MARK1: variants seen among roughly 807,000 people sequenced by gnomAD.
MARK1 encodes serine/threonine-protein kinase MARK1.
A neutral mutation model predicts 96.3 loss-of-function variants in MARK1; 40 were observed. That is an observed-to-expected ratio of 0.42 (90% CI 0.32 to 0.54). MARK1 has a LOEUF of 0.54. MARK1 is among the 20% of genes least tolerant of loss of function. The pLI is 0.16. For missense variants in MARK1, 719 were observed against 984.6 expected (o/e 0.73, Z 3.61); for synonymous variants, 317 against 341.2 (o/e 0.93, Z 0.78).
At chr1:220,554,322 G>A (rs1558254611) in intron 1 of MARK1, among the ~76,000 whole-genome samples, 2 of 152,204 alleles carry the variant, frequency 1.3e-5, no homozygotes, top group African/African-American at 4.8e-5. Context: ...CTGTGCACTA[G>A]ATCAGCGCTT....
intron 17 of MARK1, 70 bp from the exon 18 acceptor site, chr1:220,661,742 A>T: frequency 8.6e-7 from 1 of 1,164,196 alleles, no homozygotes; most frequent in Non-Finnish European, 1.2e-6. Flanking sequence ...CTTAGATTTT[A>T]TGTGTGTTTT....
At chr1:220,578,781 TCTGGCTGTATATTTA>T (rs1572113921) in intron 1 of MARK1, among the ~76,000 whole-genome samples, 1 of 152,216 alleles carries the variant, frequency 6.6e-6, no homozygotes, top group Admixed American at 6.5e-5. Flanking sequence ...TTGTGAGGCT[TCTGGCTGTATATTTA>T]CAATTTTAAA....
chr1:220,635,265 A>T, intron 11 of MARK1, 111 bp from the exon 12 acceptor site: 12 of 1,062,316 alleles, frequency 1.1e-5, no homozygotes, highest in Non-Finnish European at 1.5e-5. Context: ...TTCAGTTTGG[A>T]TTACTTCTTG....
At chr1:220,647,892 G>A (rs1668668137) in intron 13 of MARK1, among the ~76,000 whole-genome samples, 1 of 152,096 alleles carries the variant, frequency 6.6e-6, no homozygotes, top group Admixed American at 6.6e-5. Context: ...GGGCCTTTCA[G>A]AGGAGGGCGG....
chr1:220,600,691 G>A (rs1572154318), intron 5 of MARK1, among the ~76,000 whole-genome samples: 1 of 152,210 alleles, frequency 6.6e-6, no homozygotes, highest in African/African-American at 2.4e-5. Flanking sequence ...AAGAAAGAAG[G>A]CAGCTGAAAT....
At chr1:220,537,675 A>G (rs1296975336) in intron 1 of MARK1, among the ~76,000 whole-genome samples, 2 of 144,810 alleles carry the variant, frequency 1.4e-5, no homozygotes, top group African/African-American at 2.5e-5. Flanking sequence ...GACTTCCACA[A>G]TGGTTGAACT....
chr1:220,641,933 A>G (rs914407762), intron 13 of MARK1, among the ~76,000 whole-genome samples: 5 of 152,174 alleles, frequency 3.3e-5, no homozygotes, highest in Non-Finnish European at 7.3e-5. Flanking sequence ...GAGATTCCCT[A>G]TGAGCCTACA....
intron 1 of MARK1, among the ~76,000 whole-genome samples, chr1:220,544,722 A>G (rs920845672): frequency 1.3e-5 from 2 of 152,234 alleles, no homozygotes; most frequent in African/African-American, 4.8e-5. Flanking sequence ...AGGTTAGTCC[A>G]GGTGGTAAAC....
At chr1:220,549,012 G>A (rs1661687841) in intron 1 of MARK1, among the ~76,000 whole-genome samples, 1 of 152,168 alleles carries the variant, frequency 6.6e-6, no homozygotes, top group South Asian at 2.1e-4. Flanking sequence ...ATCTTAGGGA[G>A]AAGTGCCTCT....
chr1:220,601,720 A>T (rs1032041732), intron 5 of MARK1, among the ~76,000 whole-genome samples: 1 of 152,208 alleles, frequency 6.6e-6, no homozygotes, highest in African/African-American at 2.4e-5. Flanking sequence ...GTTAATATTA[A>T]TATGTGTACT....
intron 1 of MARK1, among the ~76,000 whole-genome samples, chr1:220,562,378 G>A (rs758488047): frequency 4.6e-5 from 7 of 152,294 alleles, no homozygotes; most frequent in Non-Finnish European, 8.8e-5. Flanking sequence ...GTTGAGTCAC[G>A]AGAATCACTT....
intron 3 of MARK1, among the ~76,000 whole-genome samples, chr1:220,591,905 A>T (rs572044436): frequency 2.0e-5 from 3 of 152,128 alleles, no homozygotes; most frequent in South Asian, 2.1e-4. Flanking sequence ...CAGCAATCAG[A>T]GCAGAAGCCT....
At chr1:220,571,207 A>T (rs1423900743) in intron 1 of MARK1, among the ~76,000 whole-genome samples, 1 of 152,226 alleles carries the variant, frequency 6.6e-6, no homozygotes, top group African/African-American at 2.4e-5. Context: ...AGAAGATAAC[A>T]TATTTAGTGG....
chr1:220,627,664 C>T (rs1445785797), intron 9 of MARK1: 1 of 182,722 alleles, frequency 5.5e-6, no homozygotes, highest in African/African-American at 2.4e-5. Context: ...TTCCATCCTT[C>T]CCCAGTTCTT....
intron 1 of MARK1, among the ~76,000 whole-genome samples, chr1:220,551,208 A>G (rs1216024310): frequency 6.6e-6 from 1 of 152,224 alleles, no homozygotes; most frequent in Non-Finnish European, 1.5e-5. Flanking sequence ...GCGGGAGCTG[A>G]AGGAGCTCCA....
intron 13 of MARK1, among the ~76,000 whole-genome samples, chr1:220,646,010 G>A (rs753367289): frequency 2.6e-5 from 4 of 152,142 alleles, no homozygotes; most frequent in African/African-American, 9.7e-5. Context: ...AGACAAGGAT[G>A]TCTTCCCTCA....
At chr1:220,576,782 T>C (rs555142312) in intron 1 of MARK1, 3 of 152,292 alleles carry the variant, frequency 2.0e-5, no homozygotes, top group Non-Finnish European at 2.9e-5. Context: ...TATTAAGTTA[T>C]GGGGCTTTAG....
intron 13 of MARK1, among the ~76,000 whole-genome samples, chr1:220,647,573 G>A (rs1668648451): frequency 6.6e-6 from 1 of 152,078 alleles, no homozygotes; most frequent in African/African-American, 2.4e-5. Context: ...AAATCATTCT[G>A]TTATAAAGGT....
rs61110719 is a variant in MARK1, at chr1:220,627,666, C to G, written c.910-3369C>G. ...TTGCCACCCATCCTTCCATCCTTCCCCAGTTCTTAACTTTGAACCATAAAG... is the reference window on the plus strand; with the variant it reads ...TTGCCACCCATCCTTCCATCCTTCCGCAGTTCTTAACTTTGAACCATAAAG... On this transcript the variant is annotated intron_variant, in intron 9 of 17. Transcript: ENST00000366917. 1,737 of 182,874 alleles carry G rather than the reference C, an allele frequency of 9.5e-3. 27 individuals carry two copies. The highest frequency in any genetic ancestry group is 0.039 in the African/African-American group (1,659 of 42,018). 11.3% of individuals were successfully genotyped at this position (182,874 alleles called of 1,614,324 possible).
Sources: gnomAD v4.1 joint callset for allele counts (sites outside exome capture counted in the v4.1 genomes callset) on GRCh38, gnomAD v4.1.1 for gene constraint, MANE v1.5 for transcripts, NCBI Gene and HGNC (gene_info 2026-07-23, HGNC 2026-07-21) for gene names.